XKR4: variants seen among roughly 807,000 people sequenced by gnomAD.
The protein encoded by XKR4 is XK related 4.
Under a neutral mutation model 53.9 loss-of-function variants are expected in XKR4, and 12 were observed. The ratio of observed to expected loss-of-function variants is 0.22; its 90% CI spans 0.14 to 0.36. The LOEUF is 0.36. Among genes scored for constraint, XKR4 ranks in the 10% least tolerant of loss-of-function variants. The probability of loss-of-function intolerance (pLI) is 1.00; values close to 1 mark genes in which losing one functional copy is unlikely to be tolerated. For missense variants in XKR4, 799 were observed against 859.5 expected (o/e 0.93, Z 0.88); for synonymous variants, 354 against 362.4 (o/e 0.98, Z 0.26).
intron 2 of XKR4, among the ~76,000 whole-genome samples, chr8:55,382,123 CA>C (rs1166458489): frequency 1.3e-5 from 2 of 152,158 alleles, no homozygotes; most frequent in Non-Finnish European, 2.9e-5. Flanking sequence ...ATGCCTTTGT[CA>C]AATTTTCCCA....
chr8:55,113,821 T>A (rs1816267043), intron 1 of XKR4, among the ~76,000 whole-genome samples: 1 of 152,176 alleles, frequency 6.6e-6, no homozygotes, highest in Non-Finnish European at 1.5e-5. Context: ...AGTGAGAAGA[T>A]GTGTTTTTTG....
chr8:55,142,497 A>G (rs1712602119), intron 1 of XKR4: 1 of 161,968 alleles, frequency 6.2e-6, no homozygotes. Flanking sequence ...TTCAAAATGA[A>G]GAGATTTCTA....
chr8:55,269,410 A>G (rs1818657086), intron 1 of XKR4, among the ~76,000 whole-genome samples: 1 of 152,146 alleles, frequency 6.6e-6, no homozygotes, highest in South Asian at 2.1e-4. Context: ...TCCATACCAT[A>G]GTTTATAAAT....
intron 2 of XKR4, among the ~76,000 whole-genome samples, chr8:55,409,243 C>A (rs534144828): frequency 6.6e-6 from 1 of 150,572 alleles, no homozygotes; most frequent in Non-Finnish European, 1.5e-5. Flanking sequence ...CAGGCACCTG[C>A]CTGCCCTAGC....
Position 55,102,846 on chromosome 8 carries a change from G to A in XKR4, c.358G>A (p.Ala120Thr). 6.2e-7 allele frequency: 1 copy of A among 1,611,408 alleles called. No homozygotes were observed. Among genetic ancestry groups the A allele is most frequent in the Non-Finnish European group, 8.5e-7 (1 of 1,179,912 alleles). The change falls in exon 1 of 3, where the codon GCC becomes ACC. Residue 120 changes from alanine to threonine, a missense_variant. Coordinates refer to ENST00000327381, the MANE Select transcript of XKR4 (RefSeq NM_052898.2). The surrounding 1 kb of genome is among the most constrained non-coding windows in gnomAD (Gnocchi z 5.1). ...WDCLWILAAV[A>T]VYFADVGTDV... ...CTGCCTCTGGATCCTGGCCGCCGTG[G>A]CCGTGTACTTCGCGGACGTGGGCAC... is the stretch of plus-strand genomic sequence containing the variant.
intron 2 of XKR4, among the ~76,000 whole-genome samples, chr8:55,466,242 G>A (rs1178420020): frequency 1.3e-5 from 2 of 152,108 alleles, no homozygotes; most frequent in African/African-American, 4.8e-5. Context: ...CAACCCAAAT[G>A]TCCATCAATG....
At chr8:55,424,405 A>C (rs543699866) in intron 2 of XKR4, among the ~76,000 whole-genome samples, 2 of 152,356 alleles carry the variant, frequency 1.3e-5, no homozygotes, top group South Asian at 4.1e-4. Context: ...TATTCACGCA[A>C]TGATTCTATC....
intron 1 of XKR4, among the ~76,000 whole-genome samples, chr8:55,270,361 C>A (rs1655962605): frequency 1.3e-5 from 2 of 152,138 alleles, no homozygotes; most frequent in Admixed American, 6.5e-5. Context: ...ACCTCCTAGT[C>A]ATCCTTCAAG....
intron 2 of XKR4, among the ~76,000 whole-genome samples, chr8:55,383,070 G>A (rs918192437): frequency 2.4e-4 from 37 of 152,172 alleles, no homozygotes; most frequent in Middle Eastern, 3.4e-3. Context: ...AAAATTAGCC[G>A]GGTGTGGTGG....
At chr8:55,378,277 A>G (rs1028264634) in intron 2 of XKR4, among the ~76,000 whole-genome samples, 3 of 152,244 alleles carry the variant, frequency 2.0e-5, no homozygotes, top group Non-Finnish European at 2.9e-5. Flanking sequence ...CAAGTTCTTA[A>G]TGGTCAGAGT....
intron 2 of XKR4, among the ~76,000 whole-genome samples, chr8:55,504,911 T>C (rs1164157754): frequency 6.6e-6 from 1 of 152,142 alleles, no homozygotes; most frequent in African/African-American, 2.4e-5. Context: ...ATGTCCCAAC[T>C]TTTGCTACTG....
chr8:55,451,214 C>T, intron 2 of XKR4: 1 of 562,938 alleles, frequency 1.8e-6, no homozygotes, highest in Non-Finnish European at 3.2e-6. Context: ...TGCCAGCTAG[C>T]TGGGAGCCCA....
At chr8:55,147,547 C>G (rs1348870480) in intron 1 of XKR4, among the ~76,000 whole-genome samples, 1 of 152,196 alleles carries the variant, frequency 6.6e-6, no homozygotes, top group Non-Finnish European at 1.5e-5. Context: ...GAGGGGCCTC[C>G]TTGCCTCCTG....
intron 1 of XKR4, among the ~76,000 whole-genome samples, chr8:55,263,027 G>A (rs1214854532): frequency 6.6e-6 from 1 of 152,142 alleles, no homozygotes; most frequent in East Asian, 1.9e-4. Flanking sequence ...TCTGAGTCCT[G>A]CAGCTTTTTC....
At position 55,450,283 on chromosome 8, in the gene XKR4, CA is replaced by C; in HGVS notation, c.1007-72997del. 4 of 708,240 alleles carry C rather than the reference CA, an allele frequency of 5.6e-6. No individual in the cohort carries two copies. The South Asian group carries it at 6.8e-5, about 12-fold the overall frequency. The allele number at this position is 708,240 out of a possible 1,614,324, so 43.9% of individuals were successfully genotyped here. ...TCAGGGGGTTCCCCGAGCCAGTTCCCAGTCATAGGGAGGGCCCTCGGCCAGC... is the reference window on the plus strand; with the variant it reads ...TCAGGGGGTTCCCCGAGCCAGTTCCCGTCATAGGGAGGGCCCTCGGCCAGC... On this transcript the variant is annotated intron_variant, in intron 2 of 2. Transcript: ENST00000327381.
intron 1 of XKR4, chr8:55,164,558 G>A (rs1817038144): frequency 4.9e-6 from 2 of 407,274 alleles, no homozygotes; most frequent in Non-Finnish European, 1.0e-5. Context: ...TGAGGGTAGT[G>A]CTTATGGGCA....
intron 1 of XKR4, among the ~76,000 whole-genome samples, chr8:55,238,331 G>A (rs959079510): frequency 6.6e-6 from 1 of 152,166 alleles, no homozygotes; most frequent in Non-Finnish European, 1.5e-5. Flanking sequence ...TTCAGGAAAA[G>A]CATGGCTAAG....
At chr8:55,520,768 C>A in intron 2 of XKR4, among the ~76,000 whole-genome samples, 1 of 152,234 alleles carries the variant, frequency 6.6e-6, no homozygotes, top group Admixed American at 6.5e-5. Context: ...ATCATCTTAA[C>A]AAGTTCCTGG....
At chr8:55,421,936 C>T (rs1228157658) in intron 2 of XKR4, among the ~76,000 whole-genome samples, 1 of 152,262 alleles carries the variant, frequency 6.6e-6, no homozygotes, top group East Asian at 1.9e-4. Context: ...TCAGTAAGCT[C>T]CTGGGAGCCA....
Sources: gnomAD v4.1 joint callset for allele counts (sites outside exome capture counted in the v4.1 genomes callset) on GRCh38, gnomAD v4.1.1 for gene constraint, Gnocchi (gnomAD v3.1) non-coding constraint, MANE v1.5 for transcripts, NCBI Gene and HGNC (gene_info 2026-07-23, HGNC 2026-07-21) for gene names.